Variants in COL18A1 observed in about 807,000 individuals in gnomAD.
COL18A1 encodes the protein collagen type XVIII alpha 1 chain.
In COL18A1, 133 loss-of-function variants were observed where a neutral mutation model predicts 168.0. The observed-to-expected ratio is 0.79, with a 90% confidence interval of 0.69 to 0.91. The LOEUF (loss-of-function observed/expected upper bound fraction) is 0.91, where lower values mean the gene tolerates loss of function less well. Ranked by LOEUF, COL18A1 falls within the 40% of genes least tolerant of loss-of-function variation. The pLI, the probability that COL18A1 is intolerant of heterozygous loss-of-function variation, is 0.00. For synonymous variants in COL18A1, 949 were observed against 809.0 expected, an observed-to-expected ratio of 1.17 and a Z score of -2.94; for missense variants, 2,126 against 1,925.4, an observed-to-expected ratio of 1.10 and a Z score of -1.95.
At chr21:45,437,456 A>T (rs997955434) in intron 2 of COL18A1, among the ~76,000 whole-genome samples, 2 of 17,890 alleles carry the variant, frequency 1.1e-4, no homozygotes, top group Non-Finnish European at 1.0e-4. Flanking sequence ...TCACTCACAG[A>T]CAGACACACA....
At chr21:45,454,440 T>C (rs1283890820) in intron 2 of COL18A1, among the ~76,000 whole-genome samples, 1 of 151,482 alleles carries the variant, frequency 6.6e-6, no homozygotes, top group Non-Finnish European at 1.5e-5. Flanking sequence ...CTGGGGGAGC[T>C]GGCGTGCAGA....
At chr21:45,437,270 A>ACACACAGGCACTCTCCTGCACACACACT (rs1569287537) in intron 2 of COL18A1, among the ~76,000 whole-genome samples, 6 of 120,068 alleles carry the variant, frequency 5.0e-5, no homozygotes, top group African/African-American at 2.3e-4. Flanking sequence ...ACACACTCAG[A>ACACACAGGCACTCTCCTGCACACACACT]CACACAGGCA....
intron 32 of COL18A1, among the ~76,000 whole-genome samples, chr21:45,501,900 A>G (rs1239499182): frequency 1.0e-4 from 11 of 107,960 alleles, no homozygotes; most frequent in South Asian, 6.9e-4. Flanking sequence ...CTGCAGAAGG[A>G]CCCCCAGGGG....
intron 2 of COL18A1, among the ~76,000 whole-genome samples, chr21:45,464,899 G>C (rs1377280074): frequency 6.6e-6 from 1 of 152,172 alleles, no homozygotes; most frequent in Non-Finnish European, 1.5e-5. Context: ...GGTTCCAGCT[G>C]TTGTGCCGTG....
intron 2 of COL18A1, among the ~76,000 whole-genome samples, chr21:45,466,363 C>T (rs2145883920): frequency 6.6e-6 from 1 of 152,282 alleles, no homozygotes; most frequent in Admixed American, 6.5e-5. Context: ...TGGCCTGATT[C>T]CTGAGGGGGA....
intron 26 of COL18A1, chr21:45,493,863 G>T (rs1568925949): frequency 2.1e-6 from 1 of 482,288 alleles, no homozygotes; most frequent in African/African-American, 2.0e-5. Flanking sequence ...GCCTCCCTGG[G>T]GCCTGGCCTG....
chr21:45,486,959 T>TGGGCCCCCA lies in COL18A1; in HGVS notation c.1803_1811dup (p.Pro603_Pro605dup), dbSNP rs2036135756. 3 of 1,499,778 alleles carry TGGGCCCCCA rather than the reference T, an allele frequency of 2.0e-6. No homozygotes were observed. The highest frequency in any genetic ancestry group is 2.3e-5 in the Admixed American group (1 of 43,508). The allele number at this position is 1,499,778 out of a possible 1,614,324, so 92.9% of individuals were successfully genotyped here. On this transcript the variant is annotated inframe_insertion, in exon 16 of 42. Coordinates refer to ENST00000651438, the MANE Select transcript of COL18A1 (RefSeq NM_001379500.1). The stretch of plus-strand genomic sequence containing the variant: ...GACCACCAGGCCCCCCTGGGCCCCC[T>TGGGCCCCCA]GGGCCCCCAGGACCAGGACTCCCCG...
At chr21:45,496,706 G>T in intron 30 of COL18A1, 138 bp downstream of exon 30, 2 of 715,980 alleles carry the variant, frequency 2.8e-6, no homozygotes, top group Non-Finnish European at 5.1e-6. Context: ...GTGGGCAGTG[G>T]ATTAGCAGCT....
At position 45,405,490 on chromosome 21, in the gene COL18A1, A is replaced by G. The variant is rs1347968254; in HGVS notation, c.106+17A>G. 2.2e-6 allele frequency: 3 copies of G among 1,342,660 alleles called. No individual in the cohort carries two copies. Among genetic ancestry groups the G allele is most frequent in the Non-Finnish European group, 2.9e-6 (3 of 1,037,710 alleles). 83.2% of individuals were successfully genotyped at this position (1,342,660 alleles called of 1,614,324 possible). ...CGGAGCCAGGTAAGACCCGGGCGGGACGGGAAGGTTCGCGCCGGTGCCCGC... is the reference window on the plus strand; with the variant it reads ...CGGAGCCAGGTAAGACCCGGGCGGGGCGGGAAGGTTCGCGCCGGTGCCCGC... On this transcript the variant is annotated intron_variant, in intron 2 of 41. Coordinates refer to ENST00000651438, the MANE Select transcript of COL18A1 (RefSeq NM_001379500.1).
Position 45,464,122 on chromosome 21 carries a change from G to A in COL18A1, c.107-4120G>A, listed in dbSNP as rs576075681. On this transcript the variant is annotated intron_variant, in intron 2 of 41. Transcript: ENST00000651438. ...CTCTCAGGAAGAGACACACATCTGC[G>A]GGGGCAGAGTGACCACATTTCCAGG... 3.9e-5 allele frequency among the ~76,000 whole-genome samples: 6 copies of A among 152,244 alleles called. No individual in the cohort carries two copies. In the South Asian group the frequency reaches 6.2e-4, roughly 16 times the overall value.
intron 2 of COL18A1, among the ~76,000 whole-genome samples, chr21:45,450,554 T>C (rs1281891780): frequency 6.6e-6 from 1 of 152,162 alleles, no homozygotes; most frequent in Admixed American, 6.5e-5. Flanking sequence ...TTTGTACCTT[T>C]TTAAAAAAAG....
chr21:45,413,499 C>T (rs1002391580), intron 2 of COL18A1, among the ~76,000 whole-genome samples: 1 of 152,254 alleles, frequency 6.6e-6, no homozygotes, highest in Non-Finnish European at 1.5e-5. Flanking sequence ...AAAGCCGGGC[C>T]TCTTTTGCCC....
intron 13 of COL18A1, 69 bp downstream of exon 13, chr21:45,480,927 T>G (rs547897901): frequency 6.5e-7 from 1 of 1,530,484 alleles, no homozygotes. Context: ...ACACCCCACA[T>G]GGGAGCCCCT....
intron 2 of COL18A1, among the ~76,000 whole-genome samples, chr21:45,429,464 C>T (rs576019439): frequency 1.7e-3 from 254 of 152,286 alleles, no homozygotes; most frequent in Admixed American, 3.5e-3. Context: ...TGGCAGTGCC[C>T]GCCCATTCCA....
intron 32 of COL18A1, among the ~76,000 whole-genome samples, chr21:45,499,281 G>A (rs577123210): frequency 3.5e-3 from 533 of 152,344 alleles, no homozygotes; most frequent in African/African-American, 0.012. Flanking sequence ...TATTTCAGGG[G>A]GAAGACAAGG....
At chr21:45,488,574 A>C in intron 18 of COL18A1, 130 bp downstream of exon 18, 1 of 1,358,700 alleles carries the variant, frequency 7.4e-7, no homozygotes, top group East Asian at 2.4e-5. Flanking sequence ...CATCCTGGGA[A>C]GTTTGCAAAA....
intron 3 of COL18A1, among the ~76,000 whole-genome samples, chr21:45,469,524 T>G (rs1414596889): frequency 6.6e-6 from 1 of 152,044 alleles, no homozygotes; most frequent in Non-Finnish European, 1.5e-5. Context: ...TCCACCTGAG[T>G]CTCCGGGAAG....
At chr21:45,470,425 CTTT>C (rs1195744330) in intron 3 of COL18A1, among the ~76,000 whole-genome samples, 22 of 37,114 alleles carry the variant, frequency 5.9e-4, no homozygotes, top group African/African-American at 2.0e-3. Flanking sequence ...TTTACCTTGT[CTTT>C]TTTTTTTTTT....
intron 32 of COL18A1, among the ~76,000 whole-genome samples, chr21:45,503,701 G>T (rs1299119176): frequency 6.6e-6 from 1 of 151,220 alleles, no homozygotes; most frequent in Non-Finnish European, 1.5e-5. Context: ...ACGAGTTAGT[G>T]GGTGCAGCAC....
Sources: allele counts gnomAD v4.1 joint callset (sites outside exome capture counted in the v4.1 genomes callset), GRCh38; gene constraint gnomAD v4.1.1; transcripts MANE v1.5; gene names NCBI Gene and HGNC (gene_info 2026-07-23, HGNC 2026-07-21).